The following TPD52L1 variants were observed in gnomAD, a reference collection of about 807,000 sequenced individuals.
TPD52L1 encodes TPD52 like 1.
In TPD52L1, 18 loss-of-function variants were observed where a neutral mutation model predicts 28.7. The observed-to-expected ratio is 0.63, with a 90% CI of 0.43 to 0.93. TPD52L1 has a LOEUF of 0.93. Among genes scored for constraint, TPD52L1 ranks in the 40% least tolerant of loss-of-function variants. The probability of loss-of-function intolerance (pLI) is 0.00; values close to 1 mark genes in which losing one functional copy is unlikely to be tolerated. For missense variants in TPD52L1, 203 were observed against 254.8 expected (o/e 0.80, Z 1.39); for synonymous variants, 75 against 88.8 (o/e 0.84, Z 0.88).
chr6:125,256,285 G>T (rs1490730626), intron 5 of TPD52L1, among the ~76,000 whole-genome samples: 1 of 152,148 alleles, frequency 6.6e-6, no homozygotes, highest in African/African-American at 2.4e-5. Flanking sequence ...GGGAGGCAGA[G>T]GTTGCAGTGA....
Position 125,263,207 on chromosome 6 carries a change from C to T in TPD52L1, c.*245C>T, listed in dbSNP as rs1456163685. The stretch of plus-strand genomic sequence containing the variant: ...ACATTTTAAAATGTTCCCACTTGAG[C>T]AGGTACACAACTGGTCATAATTCCT... On this transcript the variant is annotated 3_prime_UTR_variant, in exon 7 of 7. Coordinates refer to ENST00000534000, the MANE Select transcript of TPD52L1 (RefSeq NM_003287.4). 5.9e-6 allele frequency: 3 copies of T among 508,500 alleles called. No homozygotes were observed. In the Admixed American group the frequency reaches 1.1e-4, roughly 19 times the overall value. 31.5% of individuals were successfully genotyped at this position (508,500 alleles called of 1,614,324 possible). A position where few individuals can be genotyped will look rare whatever the true frequency, so the allele number is the denominator to read the frequency against.
chr6:125,153,882 G>C lies in TPD52L1; in HGVS notation c.-70G>C, dbSNP rs1789932322. On this transcript the variant is annotated 5_prime_UTR_variant, in exon 1 of 7. Coordinates refer to ENST00000534000, the MANE Select transcript of TPD52L1 (RefSeq NM_003287.4). Reference sequence around the variant, plus strand: ...GCGGGGCCAGCTGCGTTCTGAGCCTGGGCGCAGCTGCCATCTGCTCTGGGA... The same window carrying C: ...GCGGGGCCAGCTGCGTTCTGAGCCTCGGCGCAGCTGCCATCTGCTCTGGGA... 44 of 1,541,784 alleles carry C rather than the reference G, an allele frequency of 2.9e-5. No homozygotes were observed. Among genetic ancestry groups the C allele is most frequent in the Non-Finnish European group, 3.7e-5 (43 of 1,147,392 alleles).
intron 1 of TPD52L1, among the ~76,000 whole-genome samples, chr6:125,166,507 G>A (rs913492622): frequency 5.3e-5 from 8 of 152,126 alleles, no homozygotes; most frequent in African/African-American, 1.9e-4. Flanking sequence ...ATGATTGGAA[G>A]GCTCTCATAA....
intron 1 of TPD52L1, among the ~76,000 whole-genome samples, chr6:125,210,318 C>T (rs569624009): frequency 1.3e-5 from 2 of 152,362 alleles, no homozygotes; most frequent in South Asian, 4.1e-4. Flanking sequence ...CTACCAATAA[C>T]TGACTTAATC....
chr6:125,190,952 G>A (rs1792995337), intron 1 of TPD52L1, among the ~76,000 whole-genome samples: 1 of 152,176 alleles, frequency 6.6e-6, no homozygotes, highest in African/African-American at 2.4e-5. Context: ...CTGCTTTAGA[G>A]TATGTTGTAC....
In TPD52L1 at chr6:125,209,880, C is replaced by T. The variant is rs775632597; in HGVS notation, c.20-10198C>T. Among the ~76,000 whole-genome samples, 37 of 152,210 alleles carry T rather than the reference C, an allele frequency of 2.4e-4. 1 individual carries two copies. The highest frequency in any genetic ancestry group is 5.9e-4 in the Admixed American group (9 of 15,292). ...CTTAGAGGAAGCCAGATTGGGGCAA[C>T]AAATAATTTATTGAATTTTTAATTA... is the stretch of plus-strand genomic sequence containing the variant. On this transcript the variant is annotated intron_variant, in intron 1 of 6. Transcript: ENST00000534000.
intron 4 of TPD52L1, among the ~76,000 whole-genome samples, chr6:125,249,700 A>AG (rs1480279985): frequency 6.6e-6 from 1 of 151,102 alleles, no homozygotes; most frequent in Non-Finnish European, 1.5e-5. Context: ...TCAAAAAAAA[A>AG]AAAAAAAAAA....
chr6:125,234,640 C>G (rs969103818), intron 3 of TPD52L1, among the ~76,000 whole-genome samples: 1 of 152,132 alleles, frequency 6.6e-6, no homozygotes, highest in Admixed American at 6.6e-5. Flanking sequence ...AATACTATTT[C>G]TATTTAAGTT....
rs183558901 is a variant in TPD52L1 at position 125,230,064 on chromosome 6, C to T, written c.284+798C>T. ...ATGGCGCCACTCCACTCCAGCCTGG[C>T]GACAGAGGGAGACTCTGTCTCAAAA... is the stretch of plus-strand genomic sequence containing the variant. On this transcript the variant is annotated intron_variant, in intron 3 of 6. Transcript: ENST00000534000. 2.9e-4 allele frequency among the ~76,000 whole-genome samples: 44 copies of T among 152,004 alleles called. No homozygotes were observed. In the South Asian group the frequency reaches 3.1e-3, roughly 11 times the overall value.
chr6:125,245,823 C>T (rs1256866890), intron 3 of TPD52L1, among the ~76,000 whole-genome samples: 2 of 152,280 alleles, frequency 1.3e-5, no homozygotes, highest in South Asian at 2.1e-4. Context: ...TCAGACCTGC[C>T]CCAGGCCATA....
chr6:125,184,764 G>A (rs1482116329), intron 1 of TPD52L1, among the ~76,000 whole-genome samples: 1 of 151,300 alleles, frequency 6.6e-6, no homozygotes, highest in East Asian at 1.9e-4. Flanking sequence ...GTAATAAGCT[G>A]AAACTCTACC....
chr6:125,261,013 AG>A (rs1797997228), intron 6 of TPD52L1: 1 of 32,306 alleles, frequency 3.1e-5, no homozygotes, highest in South Asian at 1.4e-3. Flanking sequence ...AAAGAAAGAA[AG>A]AAAGAAAAGA....
chr6:125,207,817 T>A (rs572540150), intron 1 of TPD52L1, among the ~76,000 whole-genome samples: 1 of 152,334 alleles, frequency 6.6e-6, no homozygotes, highest in South Asian at 2.1e-4. Context: ...CCAGAATCCA[T>A]GGCACTGTTG....
At chr6:125,183,040 C>T (rs1184516259) in intron 1 of TPD52L1, among the ~76,000 whole-genome samples, 3 of 152,036 alleles carry the variant, frequency 2.0e-5, no homozygotes, top group African/African-American at 7.3e-5. Flanking sequence ...AGTCTTTATA[C>T]AATAAGTAGG....
At chr6:125,229,526 A>G (rs180868964) in intron 3 of TPD52L1, among the ~76,000 whole-genome samples, 10 of 152,288 alleles carry the variant, frequency 6.6e-5, no homozygotes, top group Admixed American at 1.3e-4. Flanking sequence ...ATTAGGTTTT[A>G]TTGTTTAAAT....
chr6:125,171,833 G>A (rs1791318538), intron 1 of TPD52L1, among the ~76,000 whole-genome samples: 1 of 152,188 alleles, frequency 6.6e-6, no homozygotes, highest in South Asian at 2.1e-4. Context: ...TAATAAATAT[G>A]TGTTGTTTTA....
At chr6:125,251,806 T>G (rs1797280157) in intron 4 of TPD52L1, among the ~76,000 whole-genome samples, 1 of 152,242 alleles carries the variant, frequency 6.6e-6, no homozygotes, top group South Asian at 2.1e-4. Context: ...CAATCATTGT[T>G]ATATACTTAT....
At chr6:125,183,072 A>T (rs1223778696) in intron 1 of TPD52L1, among the ~76,000 whole-genome samples, 11 of 152,244 alleles carry the variant, frequency 7.2e-5, no homozygotes, top group Admixed American at 7.2e-4. Context: ...TAAAAGCAAC[A>T]TTAAAAATGC....
chr6:125,172,478 G>GT (rs59798804), intron 1 of TPD52L1, among the ~76,000 whole-genome samples: 1,433 of 73,244 alleles, frequency 0.02, 40 homozygotes, highest in African/African-American at 0.059. Flanking sequence ...GTGTGTGTGT[G>GT]TTTTTTTTTT....
Sources: gnomAD v4.1 joint callset for allele counts (sites outside exome capture counted in the v4.1 genomes callset) on GRCh38, gnomAD v4.1.1 for gene constraint, MANE v1.5 for transcripts, NCBI Gene and HGNC (gene_info 2026-07-23, HGNC 2026-07-21) for gene names.